Variants in BCL7B observed in about 807,000 individuals in gnomAD.
BCL7B encodes B-cell CLL/lymphoma 7 protein family member B.
BCL7B carries 11 observed loss-of-function variants against 26.5 expected under a neutral mutation model. That is an observed-to-expected ratio of 0.42 (90% CI 0.26 to 0.69). The LOEUF (loss-of-function observed/expected upper bound fraction) is 0.69. Ranked by LOEUF, BCL7B falls within the 30% of genes least tolerant of loss-of-function variation. The pLI, the probability that BCL7B is intolerant of heterozygous loss-of-function variation, is 0.28. For missense variants in BCL7B, 215 were observed against 264.4 expected (o/e 0.81, Z 1.30); for synonymous variants, 111 against 107.9 (o/e 1.03, Z -0.18).
chr7:73,540,264 C>G, intron 3 of BCL7B: 1 of 555,400 alleles, frequency 1.8e-6, no homozygotes, highest in Non-Finnish European at 3.2e-6. Context: ...TTAGGAAGGT[C>G]AGGATATGCT....
rs529134127 is a variant in BCL7B at position 73,546,665 on chromosome 7, C to T, written c.169-3021G>A. Among the ~76,000 whole-genome samples, 470 of 147,742 alleles carry T rather than the reference C, an allele frequency of 3.2e-3. 3 individuals are homozygous for T. Among genetic ancestry groups the T allele is most frequent in the African/African-American group, 0.011 (455 of 39,926 alleles). On this transcript the variant is annotated intron_variant, in intron 2 of 5. Coordinates refer to ENST00000223368, the MANE Select transcript of BCL7B (RefSeq NM_001707.4). ...CCTGGGTGACACAGCGAGACTCTGT[C>T]TCAAAAAAAAAAAAAGTCGTTTTGA...
Position 73,536,398 on chromosome 7 carries a change from C to G in BCL7B, c.*900G>C, listed in dbSNP as rs1403887552. The G allele has an allele frequency of 6.6e-6, 1 of 152,244 alleles. No individual in the cohort carries two copies. The highest frequency in any genetic ancestry group is 1.5e-5 in the Non-Finnish European group (1 of 68,020). The allele number at this position is 152,244 out of a possible 1,614,324, so 9.4% of individuals were successfully genotyped here. A position where few individuals can be genotyped will look rare whatever the true frequency, so the allele number is the denominator to read the frequency against. ...AATTTTAAAAATATTCTATTCAGTG[C>G]TAAAATATGTCTTCACTCACTGTTG... is the stretch of plus-strand genomic sequence containing the variant. On this transcript the variant is annotated 3_prime_UTR_variant, in exon 6 of 6. Coordinates refer to ENST00000223368, the MANE Select transcript of BCL7B (RefSeq NM_001707.4).
At chr7:73,548,239 C>T (rs1481103852) in intron 2 of BCL7B, among the ~76,000 whole-genome samples, 1 of 151,850 alleles carries the variant, frequency 6.6e-6, no homozygotes, top group Non-Finnish European at 1.5e-5. Flanking sequence ...ACCATCCTGG[C>T]CAACATGGTA....
In BCL7B at chr7:73,557,606, GGCACT is replaced by G; in HGVS notation, c.-33_-29del. ...CGGCGGCGGGAGCGGCGGGGGCCGG[GGCACT>G]GCTCCCAAGACACCGGGGATCGCGC... On this transcript the variant is annotated 5_prime_UTR_variant, in exon 1 of 6. Coordinates refer to ENST00000223368, the MANE Select transcript of BCL7B (RefSeq NM_001707.4). 1 of 1,241,540 alleles carries G rather than the reference GGCACT, an allele frequency of 8.1e-7. No individual in the cohort carries two copies. Among genetic ancestry groups the G allele is most frequent in the Non-Finnish European group, 1.0e-6 (1 of 976,570 alleles). The allele number at this position is 1,241,540 out of a possible 1,614,324, so 76.9% of individuals were successfully genotyped here. A position where few individuals can be genotyped will look rare whatever the true frequency, so the allele number is the denominator to read the frequency against.
intron 2 of BCL7B, among the ~76,000 whole-genome samples, chr7:73,547,326 G>T (rs899888754): frequency 9.2e-5 from 14 of 152,216 alleles, no homozygotes; most frequent in Admixed American, 7.9e-4. Flanking sequence ...TGCCAGGCGT[G>T]GTGGCACGTG....
At chr7:73,543,333 C>T (rs1358880176) in intron 3 of BCL7B, among the ~76,000 whole-genome samples, 1 of 152,048 alleles carries the variant, frequency 6.6e-6, no homozygotes, top group Non-Finnish European at 1.5e-5. Context: ...CGCGCCACCA[C>T]GCTCAGCTAA....
intron 3 of BCL7B, among the ~76,000 whole-genome samples, chr7:73,541,634 A>G (rs908805614): frequency 1.3e-5 from 2 of 151,514 alleles, no homozygotes; most frequent in African/African-American, 4.9e-5. Flanking sequence ...CGCCTGGGTA[A>G]TTTTGTATTT....
At chr7:73,540,140 C>T (rs1308978927) in intron 3 of BCL7B, 88 bp from the exon 4 acceptor site, 1 of 1,396,716 alleles carries the variant, frequency 7.2e-7, no homozygotes, top group Non-Finnish European at 9.7e-7. Context: ...CCTGGCATCA[C>T]TTTAGGCAGC....
At chr7:73,542,580 C>G (rs1216252200) in intron 3 of BCL7B, among the ~76,000 whole-genome samples, 1 of 152,140 alleles carries the variant, frequency 6.6e-6, no homozygotes, top group Non-Finnish European at 1.5e-5. Context: ...TAATAACTGC[C>G]TGGTTTATAT....
intron 4 of BCL7B, 119 bp from the exon 5 acceptor site, chr7:73,538,132 A>G: frequency 1.8e-6 from 1 of 542,606 alleles, no homozygotes; most frequent in African/African-American, 1.9e-5. Context: ...TGGCCTGAGA[A>G]GCAAACATTC....
chr7:73,553,735 G>C (rs1426916367), intron 1 of BCL7B: 3 of 154,406 alleles, frequency 1.9e-5, no homozygotes, highest in Non-Finnish European at 4.4e-5. Context: ...GAAGTTCAAA[G>C]CTTTGTAGAA....
intron 2 of BCL7B, among the ~76,000 whole-genome samples, chr7:73,547,242 C>T (rs944018975): frequency 1.1e-4 from 17 of 152,022 alleles, no homozygotes; most frequent in African/African-American, 2.9e-4. Flanking sequence ...ACAGAAGGAT[C>T]GCTTGAGCCC....
intron 1 of BCL7B, chr7:73,557,161 G>A (rs1554584801): frequency 3.9e-6 from 4 of 1,014,602 alleles, no homozygotes; most frequent in African/African-American, 1.7e-5. Flanking sequence ...CCAGGAAGAG[G>A]GGAGGGCGGG....
chr7:73,548,568 G>T (rs1792041375), intron 2 of BCL7B, among the ~76,000 whole-genome samples: 1 of 152,010 alleles, frequency 6.6e-6, no homozygotes, highest in South Asian at 2.1e-4. Context: ...AGTAAACCGA[G>T]ATTACATCAC....
chr7:73,551,118 T>TG (rs1255363356), intron 2 of BCL7B, among the ~76,000 whole-genome samples: 1 of 151,982 alleles, frequency 6.6e-6, no homozygotes, highest in African/African-American at 2.4e-5. Context: ...CACAATACAG[T>TG]GGGGGACTAA....
At chr7:73,540,769 G>A (rs12155140) in intron 3 of BCL7B, among the ~76,000 whole-genome samples, 6,895 of 137,754 alleles carry the variant, frequency 0.05, 196 homozygotes, top group Non-Finnish European at 0.068. Context: ...GGCAGAGCTT[G>A]CAGTGAGCCG....
intron 2 of BCL7B, among the ~76,000 whole-genome samples, chr7:73,550,963 T>C (rs750946243): frequency 2.0e-5 from 3 of 152,108 alleles, no homozygotes; most frequent in Non-Finnish European, 4.4e-5. Flanking sequence ...GGCCCACATA[T>C]TTAAGTTTTG....
intron 3 of BCL7B, 112 bp downstream of exon 3, chr7:73,543,436 C>A: frequency 1.0e-6 from 1 of 993,898 alleles, no homozygotes; most frequent in Non-Finnish European, 1.6e-6. Flanking sequence ...CCTCAGACTC[C>A]CAAAGTGCTG....
rs1791553246 is a variant in BCL7B, at chr7:73,536,942, GTGCCTTCCACATCT to G, written c.*342_*355del. 1 of 218,964 alleles carries G rather than the reference GTGCCTTCCACATCT, an allele frequency of 4.6e-6. No individual in the cohort carries two copies. The highest frequency in any genetic ancestry group is 9.3e-6 in the Non-Finnish European group (1 of 107,296). 13.6% of individuals were successfully genotyped at this position (218,964 alleles called of 1,614,324 possible). A position where few individuals can be genotyped will look rare whatever the true frequency, so the allele number is the denominator to read the frequency against. The stretch of plus-strand genomic sequence containing the variant: ...CCTGAGGCACGCTCTCTTCTAGAAG[GTGCCTTCCACATCT>G]CTCTCTTCTCGCAGAAGCTGCCAGC... On this transcript the variant is annotated 3_prime_UTR_variant, in exon 6 of 6. Coordinates refer to ENST00000223368, the MANE Select transcript of BCL7B (RefSeq NM_001707.4).
Sources: allele counts gnomAD v4.1 joint callset (sites outside exome capture counted in the v4.1 genomes callset), GRCh38; gene constraint gnomAD v4.1.1; transcripts MANE v1.5; gene names NCBI Gene and HGNC (gene_info 2026-07-23, HGNC 2026-07-21).